Variants in NOL11 observed in about 807,000 individuals in gnomAD.
The protein encoded by NOL11 is nucleolar protein 11.
NOL11 carries 42 observed loss-of-function variants against 93.0 expected under a neutral mutation model. The observed-to-expected ratio is 0.45, with a 90% CI of 0.35 to 0.58. The LOEUF (loss-of-function observed/expected upper bound fraction) is 0.58, where lower values mean the gene tolerates loss of function less well. Among genes scored for constraint, NOL11 ranks in the 20% least tolerant of loss-of-function variants. NOL11 has a pLI of 0.00. For synonymous variants in NOL11, 296 were observed against 293.7 expected, an observed-to-expected ratio of 1.01 and a Z score of -0.08; for missense variants, 775 against 841.8, an observed-to-expected ratio of 0.92 and a Z score of 0.98.
chr17:67,722,303 C>T (rs1372668115), intron 4 of NOL11, among the ~76,000 whole-genome samples: 5 of 152,152 alleles, frequency 3.3e-5, no homozygotes, highest in African/African-American at 9.7e-5. Flanking sequence ...GTAGGGGAGT[C>T]AATTTAAGTT....
Position 67,741,101 on chromosome 17 carries a change from G to A in NOL11, c.1935+1493G>A, listed in dbSNP as rs75086022. ...TTTTCCTTTTTTGAGACGGAGTCTC[G>A]CTCTGTCTCCCAGGCTAGAATGCAG... On this transcript the variant is annotated intron_variant, in intron 16 of 17. Transcript: ENST00000253247. Among the ~76,000 whole-genome samples the A allele has an allele frequency of 0.023, 3,503 of 151,934 alleles. 246 individuals are homozygous for A. In the East Asian group the frequency reaches 0.28, roughly 12 times the overall value.
intron 1 of NOL11, among the ~76,000 whole-genome samples, chr17:67,718,713 G>A (rs1178757040): frequency 1.3e-5 from 2 of 152,212 alleles, no homozygotes; most frequent in Non-Finnish European, 2.9e-5. Context: ...CTTGCTTTTG[G>A]TGGTCGCATA....
At chr17:67,725,559 A>G (rs1021091307) in intron 6 of NOL11, among the ~76,000 whole-genome samples, 1 of 152,148 alleles carries the variant, frequency 6.6e-6, no homozygotes, top group African/African-American at 2.4e-5. Context: ...CAGTGTGCAA[A>G]TGTTTGCGGT....
chr17:67,726,474 A>G lies in NOL11; in HGVS notation c.679A>G (p.Ile227Val), dbSNP rs140784968. 2.0e-5 allele frequency: 33 copies of G among 1,611,812 alleles called. No individual in the cohort carries two copies. In the African/African-American group the frequency reaches 3.3e-4, roughly 16 times the overall value. Residue 227 changes from isoleucine to valine, a missense_variant, in exon 7 of 18, where the codon ATA becomes GTA. Coordinates refer to ENST00000253247, the MANE Select transcript of NOL11 (RefSeq NM_015462.5). Reference sequence around the variant, plus strand: ...GTTTCCAACAGGCTCTGATGGTTGTATATATGAAACCTTGATACCAATACG... The same window carrying G: ...GTTTCCAACAGGCTCTGATGGTTGTGTATATGAAACCTTGATACCAATACG... ...SLMSLSSDGCIYETLIPIRPA... is the reference protein window; with the variant it reads ...SLMSLSSDGCVYETLIPIRPA...
intron 6 of NOL11, 83 bp from the exon 7 acceptor site, chr17:67,726,377 C>G (rs2055093223): frequency 5.3e-6 from 6 of 1,140,758 alleles, no homozygotes; most frequent in Non-Finnish European, 7.0e-6. Context: ...TTGGTAAAAT[C>G]TTATAAACAA....
At chr17:67,734,332 C>CT (rs779715445) in intron 7 of NOL11, 31 bp from the exon 8 acceptor site, 7 of 1,309,124 alleles carry the variant, frequency 5.3e-6, no homozygotes, top group Admixed American at 1.7e-5. Flanking sequence ...ATACTTGGGA[C>CT]TTTTTTCTGA....
intron 11 of NOL11, 125 bp downstream of exon 11, chr17:67,737,270 T>A: frequency 1.4e-6 from 1 of 712,526 alleles, no homozygotes; most frequent in Non-Finnish European, 2.4e-6. Flanking sequence ...TTGTAGTATC[T>A]TAAGGGTGTC....
At chr17:67,723,596 T>C (rs1365154173) in intron 5 of NOL11, among the ~76,000 whole-genome samples, 2 of 151,252 alleles carry the variant, frequency 1.3e-5, no homozygotes, top group Non-Finnish European at 2.9e-5. Flanking sequence ...GCCATATTGG[T>C]CAGGCTGGTC....
intron 16 of NOL11, among the ~76,000 whole-genome samples, chr17:67,740,217 A>G (rs2055242251): frequency 6.6e-6 from 1 of 151,318 alleles, no homozygotes. Context: ...TCTGGGCAAC[A>G]AGCAAAACTC....
At chr17:67,724,553 A>G (rs2055069692) in intron 6 of NOL11, among the ~76,000 whole-genome samples, 1 of 151,982 alleles carries the variant, frequency 6.6e-6, no homozygotes, top group African/African-American at 2.4e-5. Context: ...GCTGGTCTCC[A>G]ACTCCTGACC....
chr17:67,743,145 G>A (rs1216609752), intron 16 of NOL11, among the ~76,000 whole-genome samples: 2 of 152,118 alleles, frequency 1.3e-5, no homozygotes, highest in Non-Finnish European at 2.9e-5. Context: ...GATGATTGCA[G>A]CTACTCTGGG....
At chr17:67,725,574 AT>A (rs1200714216) in intron 6 of NOL11, among the ~76,000 whole-genome samples, 1 of 152,142 alleles carries the variant, frequency 6.6e-6, no homozygotes, top group East Asian at 1.9e-4. Context: ...TGCGGTGGCT[AT>A]TTTTTAAAAG....
intron 8 of NOL11, 27 bp from the exon 9 acceptor site, chr17:67,735,873 T>C (rs750160929): frequency 1.1e-5 from 18 of 1,595,280 alleles, no homozygotes; most frequent in Non-Finnish European, 8.5e-7. Flanking sequence ...AAAAATTTGC[T>C]TATGTTTTTG....
intron 7 of NOL11, 31 bp from the exon 8 acceptor site, chr17:67,734,332 C>A (rs770107818): frequency 7.6e-7 from 1 of 1,309,242 alleles, no homozygotes; most frequent in Non-Finnish European, 1.1e-6. Context: ...ATACTTGGGA[C>A]TTTTTTCTGA....
intron 1 of NOL11, chr17:67,719,034 A>G (rs554469469): frequency 2.0e-5 from 3 of 152,272 alleles, no homozygotes; most frequent in South Asian, 4.1e-4. Flanking sequence ...TAAATGTACT[A>G]TTGTTTTTTT....
chr17:67,720,056 G>A, intron 3 of NOL11, 94 bp downstream of exon 3: 1 of 1,169,734 alleles, frequency 8.5e-7, no homozygotes, highest in Non-Finnish European at 1.2e-6. Flanking sequence ...TAATACCTCT[G>A]GGAAAATAAG....
At chr17:67,739,801 C>T (rs911003600) in intron 16 of NOL11, among the ~76,000 whole-genome samples, 193 bp downstream of exon 16, 1 of 152,198 alleles carries the variant, frequency 6.6e-6, no homozygotes, top group Non-Finnish European at 1.5e-5. Flanking sequence ...ATCCATAAAT[C>T]TACACGACAG....
intron 7 of NOL11, among the ~76,000 whole-genome samples, chr17:67,728,824 C>A (rs1335453796): frequency 6.6e-6 from 1 of 152,086 alleles, no homozygotes; most frequent in African/African-American, 2.4e-5. Context: ...AATATTTCAC[C>A]GAAGGGTGGC....
At position 67,735,888 on chromosome 17, in the gene NOL11, CTTT is replaced by C. The variant is rs754605827; in HGVS notation, c.931-7_931-5del. ...AAAAATTTGCTTATGTTTTTGATAA[CTTT>C]TTTTGTAGCTCTGGTATTATGGAGA... On this transcript the variant is annotated splice_polypyrimidine_tract_variant and intron_variant, in intron 8 of 17. Coordinates refer to ENST00000253247, the MANE Select transcript of NOL11 (RefSeq NM_015462.5). 1.3e-6 allele frequency: 2 copies of C among 1,596,756 alleles called. No homozygotes were observed. Among genetic ancestry groups the C allele is most frequent in the African/African-American group, 2.7e-5 (2 of 73,778 alleles).
Sources: gnomAD v4.1 joint callset for allele counts (sites outside exome capture counted in the v4.1 genomes callset) on GRCh38, gnomAD v4.1.1 for gene constraint, MANE v1.5 for transcripts, NCBI Gene and HGNC (gene_info 2026-07-23, HGNC 2026-07-21) for gene names.